Variants in ULK4 observed in about 807,000 individuals in gnomAD.
ULK4 encodes the protein inactive serine/threonine-protein kinase ULK4.
A neutral mutation model predicts 160.6 loss-of-function variants in ULK4; 133 were observed. That is an observed-to-expected ratio of 0.83 (90% CI 0.72 to 0.96). The LOEUF (loss-of-function observed/expected upper bound fraction) is 0.96. Among genes scored for constraint, ULK4 ranks in the 40% least tolerant of loss-of-function variants. The probability of loss-of-function intolerance (pLI) is 0.00; values close to 1 mark genes in which losing one functional copy is unlikely to be tolerated. For missense variants in ULK4, 1,580 were observed against 1,499.5 expected, an observed-to-expected ratio of 1.05 and a Z score of -0.89; for synonymous variants, 534 against 539.8, an observed-to-expected ratio of 0.99 and a Z score of 0.15.
intron 21 of ULK4, among the ~76,000 whole-genome samples, chr3:41,754,710 C>T (rs558119701): frequency 6.7e-4 from 102 of 152,206 alleles, no homozygotes; most frequent in African/African-American, 2.3e-3. Flanking sequence ...GTTGTCCCCG[C>T]TTTAAAGAGA....
chr3:41,373,890 C>T (rs529773262), intron 35 of ULK4, among the ~76,000 whole-genome samples: 1 of 152,024 alleles, frequency 6.6e-6, no homozygotes, highest in African/African-American at 2.4e-5. Flanking sequence ...GGACCGCTAG[C>T]CAGACTAATA....
At chr3:41,598,990 C>G (rs2031879134) in intron 31 of ULK4, among the ~76,000 whole-genome samples, 1 of 152,198 alleles carries the variant, frequency 6.6e-6, no homozygotes, top group African/African-American at 2.4e-5. Context: ...TTTCTAGTTT[C>G]TAGAGGCAGC....
chr3:41,634,465 C>T (rs1267711474), intron 30 of ULK4, among the ~76,000 whole-genome samples: 1 of 152,176 alleles, frequency 6.6e-6, no homozygotes, highest in Non-Finnish European at 1.5e-5. Flanking sequence ...GGCAGCCCTC[C>T]ATCCCTGGGT....
intron 22 of ULK4, among the ~76,000 whole-genome samples, chr3:41,743,308 T>C (rs935912705): frequency 1.3e-5 from 2 of 150,516 alleles, no homozygotes; most frequent in African/African-American, 2.5e-5. Context: ...CAGAAGAAAG[T>C]AGAAAAATTT....
At chr3:41,935,209 A>ATTTATTTTTTTTTTTTT (rs1559660879) in intron 4 of ULK4, among the ~76,000 whole-genome samples, 3 of 135,556 alleles carry the variant, frequency 2.2e-5, no homozygotes, top group African/African-American at 9.8e-5. Context: ...TTATTTATTT[A>ATTTATTTTTTTTTTTTT]TTTTTTTTTT....
Position 41,896,765 on chromosome 3 carries a change from T to G in ULK4, c.1530+57A>C, listed in dbSNP as rs182942338. 25 of 1,516,014 alleles carry G rather than the reference T, an allele frequency of 1.6e-5. No individual in the cohort carries two copies. The African/African-American group carries it at 3.2e-4, about 19-fold the overall frequency. 93.9% of individuals were successfully genotyped at this position (1,516,014 alleles called of 1,614,324 possible). ...AATCAAATTGTTATTTTAGCACTTG[T>G]TTGAGCCTCTATAAAAACACAAATT... On this transcript the variant is annotated intron_variant, in intron 15 of 36. Coordinates refer to ENST00000301831, the MANE Select transcript of ULK4 (RefSeq NM_017886.4).
At chr3:41,545,887 C>T (rs2086843069) in intron 32 of ULK4, among the ~76,000 whole-genome samples, 1 of 152,078 alleles carries the variant, frequency 6.6e-6, no homozygotes, top group Non-Finnish European at 1.5e-5. Flanking sequence ...AAAGCCCAGC[C>T]AGGTAATTTT....
At chr3:41,392,350 A>C (rs1227714001) in intron 35 of ULK4, among the ~76,000 whole-genome samples, 2 of 152,158 alleles carry the variant, frequency 1.3e-5, no homozygotes, top group African/African-American at 4.8e-5. Context: ...TCCCATCTCC[A>C]TTAACAGAAA....
Position 41,360,902 on chromosome 3 carries a change from C to T in ULK4, c.3678+37177G>A, listed in dbSNP as rs902821124. Among the ~76,000 whole-genome samples, 15 of 150,614 alleles carry T rather than the reference C, an allele frequency of 1.0e-4. No individual in the cohort carries two copies. The South Asian group carries it at 1.1e-3, about 11-fold the overall frequency. On this transcript the variant is annotated intron_variant, in intron 35 of 36. Transcript: ENST00000301831. ...TACCTATGTAACACACCTGTACATC[C>T]GGCACATGTACCCCTGAACTTGAAA...
intron 19 of ULK4, among the ~76,000 whole-genome samples, chr3:41,808,726 T>C (rs2040726969): frequency 6.6e-6 from 1 of 152,226 alleles, no homozygotes; most frequent in South Asian, 2.1e-4. Context: ...TTTCTGCCAA[T>C]ATAATTTTGG....
At chr3:41,643,598 TGTA>T (rs1473699548) in intron 30 of ULK4, among the ~76,000 whole-genome samples, 1 of 152,180 alleles carries the variant, frequency 6.6e-6, no homozygotes, top group Non-Finnish European at 1.5e-5. Flanking sequence ...ACTGTAGCCT[TGTA>T]GTATAGTTTG....
At chr3:41,909,422 TA>T (rs1698694330) in intron 11 of ULK4, among the ~76,000 whole-genome samples, 1 of 152,058 alleles carries the variant, frequency 6.6e-6, no homozygotes, top group Non-Finnish European at 1.5e-5. Context: ...TTAAAATGTA[TA>T]AAATGGGGCA....
intron 21 of ULK4, among the ~76,000 whole-genome samples, chr3:41,760,268 C>T (rs1373399880): frequency 2.6e-5 from 4 of 152,042 alleles, no homozygotes; most frequent in Admixed American, 1.3e-4. Context: ...GCATGAAAAA[C>T]GGTGAGTATG....
intron 22 of ULK4, among the ~76,000 whole-genome samples, chr3:41,725,224 T>C (rs1365630932): frequency 6.6e-6 from 1 of 152,244 alleles, no homozygotes; most frequent in African/African-American, 2.4e-5. Context: ...CCAGAAGCTT[T>C]ACTGCTTTAC....
chr3:41,548,703 A>G (rs1692972170), intron 32 of ULK4, among the ~76,000 whole-genome samples: 1 of 128,512 alleles, frequency 7.8e-6, no homozygotes, highest in Admixed American at 9.4e-5. Flanking sequence ...GGACCTGAGC[A>G]AGCCATCTTT....
chr3:41,556,423 C>T (rs1332451595), intron 32 of ULK4, among the ~76,000 whole-genome samples: 1 of 150,774 alleles, frequency 6.6e-6, no homozygotes, highest in Admixed American at 6.6e-5. Flanking sequence ...ACAGAGCTAT[C>T]ACTACTATCA....
intron 27 of ULK4, among the ~76,000 whole-genome samples, chr3:41,685,156 T>A (rs2036057795): frequency 6.6e-6 from 1 of 152,236 alleles, no homozygotes; most frequent in Admixed American, 6.5e-5. Flanking sequence ...TCTTGAATTT[T>A]CCTTTCTCTG....
chr3:41,775,086 G>A (rs910014913), intron 21 of ULK4, among the ~76,000 whole-genome samples: 1 of 124,606 alleles, frequency 8.0e-6, no homozygotes, highest in Non-Finnish European at 1.6e-5. Context: ...TGGAGGGAGG[G>A]GGGAGGGATA....
chr3:41,826,813 T>G (rs578255086), intron 18 of ULK4, among the ~76,000 whole-genome samples: 2 of 144,546 alleles, frequency 1.4e-5, no homozygotes, highest in Admixed American at 6.8e-5. Flanking sequence ...GCGGACCTAA[T>G]AGACATCTAC....
Sources: allele counts gnomAD v4.1 joint callset (sites outside exome capture counted in the v4.1 genomes callset), GRCh38; gene constraint gnomAD v4.1.1; transcripts MANE v1.5; gene names NCBI Gene and HGNC (gene_info 2026-07-23, HGNC 2026-07-21).